LARGE1: variants seen among roughly 807,000 people sequenced by gnomAD.
The protein encoded by LARGE1 is LARGE xylosyl- and glucuronyltransferase 1.
LARGE1 carries 43 observed loss-of-function variants against 87.6 expected under a neutral mutation model. The observed-to-expected ratio is 0.49, with a 90% confidence interval of 0.38 to 0.63. The LOEUF is 0.63. LARGE1 is among the 30% of genes least tolerant of loss of function. The pLI is 0.00. For synonymous variants in LARGE1, 434 were observed against 394.6 expected (o/e 1.10, Z -1.18); for missense variants, 802 against 1,000.2 (o/e 0.80, Z 2.67).
chr22:33,281,644 G>T (rs889370590), intron 13 of LARGE1, among the ~76,000 whole-genome samples: 15 of 152,188 alleles, frequency 9.9e-5, no homozygotes, highest in Non-Finnish European at 2.1e-4. Context: ...ACAATAAGTG[G>T]TAGTTATTTC....
intron 11 of LARGE1, among the ~76,000 whole-genome samples, chr22:33,172,397 T>C (rs1922623103): frequency 6.6e-6 from 1 of 152,104 alleles, no homozygotes. Flanking sequence ...CTCGTGACAG[T>C]GAGGAAGATC....
At chr22:33,632,683 TG>T (rs2080147653) in intron 3 of LARGE1, among the ~76,000 whole-genome samples, 1 of 152,076 alleles carries the variant, frequency 6.6e-6, no homozygotes, top group African/African-American at 2.4e-5. Context: ...AGCAGTAACT[TG>T]CCAGGACCTG....
At chr22:33,490,295 T>C (rs930190935) in intron 6 of LARGE1, among the ~76,000 whole-genome samples, 1 of 152,216 alleles carries the variant, frequency 6.6e-6, no homozygotes, top group African/African-American at 2.4e-5. Context: ...ACCATGAACC[T>C]TGCCCCGCTT....
At chr22:33,910,283 AT>A (rs1455176566) in intron 1 of LARGE1, among the ~76,000 whole-genome samples, 1 of 152,230 alleles carries the variant, frequency 6.6e-6, no homozygotes, top group Admixed American at 6.5e-5. Flanking sequence ...TTTCATAGAT[AT>A]AAGGATGGGT....
At position 33,626,360 on chromosome 22, in the gene LARGE1, A is replaced by G. The variant is rs1409700526; in HGVS notation, c.409-34T>C. On this transcript the variant is annotated intron_variant, in intron 3 of 14. Transcript: ENST00000397394. ...AAAAGAAGACGGGGTGAGCAGTCAG[A>G]CAGACGGAAGGAGGCCTTCCTGGTG... 3 of 1,581,104 alleles carry G rather than the reference A, an allele frequency of 1.9e-6. No individual in the cohort carries two copies. In the African/African-American group the frequency reaches 4.0e-5, roughly 21 times the overall value.
intron 12 of LARGE1, among the ~76,000 whole-genome samples, chr22:33,289,616 C>T (rs1932168420): frequency 6.6e-6 from 1 of 152,176 alleles, no homozygotes; most frequent in African/African-American, 2.4e-5. Context: ...AGTCAACATA[C>T]TACTTACAAC....
In LARGE1 at chr22:33,529,125, T is replaced by C. The variant is rs141182541; in HGVS notation, c.787+35723A>G. Among the ~76,000 whole-genome samples, 17 of 152,348 alleles carry C rather than the reference T, an allele frequency of 1.1e-4. 1 individual carries two copies. The highest frequency in any genetic ancestry group is 6.8e-3 in the Middle Eastern group (2 of 294). On this transcript the variant is annotated intron_variant, in intron 6 of 14. Coordinates refer to ENST00000397394, the MANE Select transcript of LARGE1 (RefSeq NM_133642.5). ...GTATCTTTCCTATCAGCTTATGCCT[T>C]AGCCAAAGGAAACTCTATAAAGAAT...
chr22:33,805,658 C>T (rs1460732766), intron 1 of LARGE1, among the ~76,000 whole-genome samples: 6 of 151,836 alleles, frequency 4.0e-5, no homozygotes, highest in Non-Finnish European at 8.8e-5. Flanking sequence ...TCCTTGAACC[C>T]GGGAGGCAGA....
At chr22:33,870,484 C>T (rs2064242228) in intron 1 of LARGE1, among the ~76,000 whole-genome samples, 2 of 152,192 alleles carry the variant, frequency 1.3e-5, no homozygotes, top group South Asian at 4.1e-4. Flanking sequence ...CAACATGGTA[C>T]CAAGTGCTTT....
intron 6 of LARGE1, among the ~76,000 whole-genome samples, chr22:33,503,251 T>C (rs5754580): frequency 0.47 from 70,768 of 149,618 alleles, 17,760 homozygotes; most frequent in Admixed American, 0.59. Flanking sequence ...CCTTTTTTTT[T>C]TTTTTTTGTT....
At chr22:33,845,120 G>C (rs953760884) in intron 1 of LARGE1, among the ~76,000 whole-genome samples, 2 of 152,042 alleles carry the variant, frequency 1.3e-5, no homozygotes, top group Non-Finnish European at 2.9e-5. Context: ...ATCTGTGATT[G>C]AAGTGTATTT....
At chr22:33,445,946 G>A (rs570192960) in intron 6 of LARGE1, among the ~76,000 whole-genome samples, 18 of 151,168 alleles carry the variant, frequency 1.2e-4, no homozygotes, top group African/African-American at 2.7e-4. Context: ...CACTGCACCC[G>A]GCCCTAAGGG....
chr22:33,356,827 A>T (rs1180734099), intron 9 of LARGE1, among the ~76,000 whole-genome samples: 1 of 152,136 alleles, frequency 6.6e-6, no homozygotes, highest in Non-Finnish European at 1.5e-5. Flanking sequence ...AAGAAACAAG[A>T]CAGAACAGAG....
intron 5 of LARGE1, among the ~76,000 whole-genome samples, chr22:33,582,128 G>T (rs186946274): frequency 9.9e-5 from 15 of 152,126 alleles, no homozygotes; most frequent in African/African-American, 3.6e-4. Flanking sequence ...GTCATGACTT[G>T]GGCACTGGGG....
chr22:33,294,218 G>A (rs1290023955), intron 12 of LARGE1, among the ~76,000 whole-genome samples: 1 of 152,254 alleles, frequency 6.6e-6, no homozygotes, highest in Admixed American at 6.5e-5. Flanking sequence ...ATAAATGGCT[G>A]AGGCCAATGC....
intron 6 of LARGE1, among the ~76,000 whole-genome samples, chr22:33,546,687 A>C (rs1209634550): frequency 2.0e-5 from 3 of 152,106 alleles, no homozygotes; most frequent in Admixed American, 6.6e-5. Flanking sequence ...TGTGTTCAAG[A>C]AATTCTCAGC....
At chr22:33,788,260 T>C (rs975852062) in intron 1 of LARGE1, among the ~76,000 whole-genome samples, 4 of 152,240 alleles carry the variant, frequency 2.6e-5, no homozygotes, top group Non-Finnish European at 5.9e-5. Context: ...TGCACAAGCT[T>C]TCTTGCCTGC....
At chr22:33,881,675 A>C (rs1337653827) in intron 1 of LARGE1, among the ~76,000 whole-genome samples, 2 of 152,236 alleles carry the variant, frequency 1.3e-5, no homozygotes, top group Non-Finnish European at 2.9e-5. Flanking sequence ...AACATACAGA[A>C]TATAGACCCA....
At chr22:33,435,461 T>C (rs574432988) in intron 6 of LARGE1, among the ~76,000 whole-genome samples, 1 of 152,346 alleles carries the variant, frequency 6.6e-6, no homozygotes, top group African/African-American at 2.4e-5. Context: ...AGGTGCTTAA[T>C]AAATGTCTGC....
Sources: gnomAD v4.1 joint callset for allele counts (sites outside exome capture counted in the v4.1 genomes callset) on GRCh38, gnomAD v4.1.1 for gene constraint, MANE v1.5 for transcripts, NCBI Gene and HGNC (gene_info 2026-07-23, HGNC 2026-07-21) for gene names.